Variants in RPTOR observed in about 807,000 individuals in gnomAD.
RPTOR encodes the protein regulatory-associated protein of mTOR.
In RPTOR, 21 loss-of-function variants were observed where a neutral mutation model predicts 169.9. The observed-to-expected ratio is 0.12, with a 90% CI of 0.09 to 0.18. RPTOR has a LOEUF of 0.18. Ranked by LOEUF, RPTOR falls within the 10% of genes least tolerant of loss-of-function variation. The pLI is 1.00. For synonymous variants in RPTOR, 732 were observed against 753.2 expected (o/e 0.97, Z 0.46); for missense variants, 1,133 against 1,855.9 (o/e 0.61, Z 7.16).
rs2066550510 is a variant in RPTOR at position 80,744,829 on chromosome 17, C to CACTGT, written c.655-9181_655-9180insACTGT. 1.9e-4 allele frequency among the ~76,000 whole-genome samples: 2 copies of CACTGT among 10,718 alleles called. 1 individual carries two copies. The highest frequency in any genetic ancestry group is 5.9e-4 in the Non-Finnish European group (2 of 3,384). 7.0% of individuals were successfully genotyped at this position (10,718 alleles called of 152,430 possible). ...AGCACTGTCCTGGCTACTAGCACAG[C>CACTGT]CCTGGTTACTAGCACTGTCCTGGCT... On this transcript the variant is annotated intron_variant, in intron 5 of 33. Coordinates refer to ENST00000306801, the MANE Select transcript of RPTOR (RefSeq NM_020761.3).
chr17:80,689,975 G>T (rs2316058), intron 3 of RPTOR, among the ~76,000 whole-genome samples: 7 of 152,146 alleles, frequency 4.6e-5, no homozygotes, highest in Non-Finnish European at 7.4e-5. Flanking sequence ...ATTAAAGTAG[G>T]AAACTTTACT....
At chr17:80,800,924 G>A (rs995162074) in intron 7 of RPTOR, among the ~76,000 whole-genome samples, 3 of 152,216 alleles carry the variant, frequency 2.0e-5, no homozygotes, top group Non-Finnish European at 4.4e-5. Context: ...ATCCATTGTC[G>A]TGAATAAGTG....
At chr17:80,666,234 T>A in intron 3 of RPTOR, among the ~76,000 whole-genome samples, 1 of 150,378 alleles carries the variant, frequency 6.6e-6, no homozygotes, top group East Asian at 1.9e-4. Context: ...AAAATATTAT[T>A]CTTCTCCAAA....
At chr17:80,554,033 C>A (rs76043930) in intron 1 of RPTOR, among the ~76,000 whole-genome samples, 11,072 of 152,104 alleles carry the variant, frequency 0.073, 1,365 homozygotes, top group African/African-American at 0.25. Context: ...TCAGCCACCA[C>A]ACCCCGCTTG....
intron 1 of RPTOR, among the ~76,000 whole-genome samples, chr17:80,558,051 G>C (rs1286079330): frequency 6.6e-6 from 1 of 152,202 alleles, no homozygotes; most frequent in Non-Finnish European, 1.5e-5. Context: ...TGTCATCCCA[G>C]CACTTTGGGA....
intron 1 of RPTOR, among the ~76,000 whole-genome samples, chr17:80,598,683 A>T (rs2065162052): frequency 6.6e-6 from 1 of 152,114 alleles, no homozygotes; most frequent in Admixed American, 6.5e-5. Context: ...CCTGCTGACA[A>T]ACTGGTTTCT....
chr17:80,743,789 G>A (rs2066515372), intron 5 of RPTOR, among the ~76,000 whole-genome samples: 1 of 128,116 alleles, frequency 7.8e-6, no homozygotes, highest in African/African-American at 3.0e-5. Context: ...GCAGAGCCCT[G>A]GCTACTAGCA....
intron 28 of RPTOR, among the ~76,000 whole-genome samples, chr17:80,950,640 T>C (rs1416893358): frequency 3.9e-5 from 6 of 152,116 alleles, no homozygotes; most frequent in Non-Finnish European, 8.8e-5. Context: ...GGCAACCCTC[T>C]TCTGGGGTAT....
At chr17:80,791,129 C>T (rs1317842465) in intron 6 of RPTOR, among the ~76,000 whole-genome samples, 3 of 152,204 alleles carry the variant, frequency 2.0e-5, no homozygotes, top group Admixed American at 6.5e-5. Flanking sequence ...CAGTCCACTC[C>T]AGCATCTCGT....
chr17:80,958,826 G>A (rs1328068779), intron 29 of RPTOR, among the ~76,000 whole-genome samples: 3 of 152,226 alleles, frequency 2.0e-5, no homozygotes, highest in Non-Finnish European at 2.9e-5. Flanking sequence ...AGCAGGCCGC[G>A]CTCAGCAGAA....
intron 3 of RPTOR, among the ~76,000 whole-genome samples, chr17:80,701,258 G>A (rs2066098494): frequency 6.6e-6 from 1 of 152,186 alleles, no homozygotes; most frequent in African/African-American, 2.4e-5. Context: ...GGTTGCACTA[G>A]GGTGGAATCA....
intron 26 of RPTOR, among the ~76,000 whole-genome samples, chr17:80,946,251 TTTTAGAG>T (rs1179486723): frequency 6.6e-6 from 1 of 152,212 alleles, no homozygotes; most frequent in African/African-American, 2.4e-5. Flanking sequence ...AGGGGGTTCC[TTTTAGAG>T]TTTAGAGTTT....
chr17:80,735,718 A>G (rs2066428470), intron 5 of RPTOR, among the ~76,000 whole-genome samples: 1 of 152,144 alleles, frequency 6.6e-6, no homozygotes, highest in Non-Finnish European at 1.5e-5. Context: ...CTGCTGGGAC[A>G]GCACGGGCTC....
intron 20 of RPTOR, among the ~76,000 whole-genome samples, chr17:80,897,658 A>G (rs1162620123): frequency 6.6e-6 from 1 of 152,194 alleles, no homozygotes; most frequent in African/African-American, 2.4e-5. Context: ...CCCCATTGGC[A>G]TTCACGAGTG....
In RPTOR at chr17:80,844,883, G is replaced by A. The variant is rs2067709803; in HGVS notation, c.1213-1590G>A. Among the ~76,000 whole-genome samples, 1 of 152,048 alleles carries A rather than the reference G, an allele frequency of 6.6e-6. No individual in the cohort carries two copies. Among genetic ancestry groups the A allele is most frequent in the Non-Finnish European group, 1.5e-5 (1 of 68,010 alleles). On this transcript the variant is annotated intron_variant, in intron 10 of 33. Transcript: ENST00000306801. This position sits in a 1 kb window ranked among gnomAD's most constrained non-coding sequence, Gnocchi z 4.7. Reference sequence around the variant, plus strand: ...CCTCCCGACCTCCTCTCAGAGACACGCACCTCCACTGCGGCCACCCACCTT... The same window carrying A: ...CCTCCCGACCTCCTCTCAGAGACACACACCTCCACTGCGGCCACCCACCTT...
chr17:80,548,078 C>CTTT (rs55928458), intron 1 of RPTOR, among the ~76,000 whole-genome samples: 1 of 102,772 alleles, frequency 9.7e-6, no homozygotes, highest in South Asian at 3.0e-4. Context: ...TTTTCTGTTT[C>CTTT]TTTTTTTTTT....
At position 80,828,250 on chromosome 17, in the gene RPTOR, TCATGCTCCTGGGAG is replaced by T. The variant is rs199881983; in HGVS notation, c.1136+5038_1136+5051del. On this transcript the variant is annotated intron_variant, in intron 9 of 33. Transcript: ENST00000306801. Reference sequence around the variant, plus strand: ...AGTGGCACTTAGCGACCTGCTGTAGTCATGCTCCTGGGAGCATGCTCCTGAGACCATGCGAGGTC... The same window carrying T: ...AGTGGCACTTAGCGACCTGCTGTAGTCATGCTCCTGAGACCATGCGAGGTC... Among the ~76,000 whole-genome samples the T allele has an allele frequency of 9.0e-4, 137 of 152,278 alleles. 2 individuals carry two copies. The East Asian group carries it at 0.02, about 22-fold the overall frequency.
Position 80,803,036 on chromosome 17 carries a change from C to G in RPTOR, c.890+11527C>G, listed in dbSNP as rs1346187901. The G allele has an allele frequency of 6.6e-6, 1 of 152,510 alleles. No homozygotes were observed. The highest frequency in any genetic ancestry group is 1.5e-5 in the Non-Finnish European group (1 of 68,274). The allele number at this position is 152,510 out of a possible 1,614,324, so 9.4% of individuals were successfully genotyped here. A position where few individuals can be genotyped will look rare whatever the true frequency, so the allele number is the denominator to read the frequency against. On this transcript the variant is annotated intron_variant, in intron 7 of 33. Transcript: ENST00000306801. The surrounding 1 kb of genome is among the most constrained non-coding windows in gnomAD (Gnocchi z 6.2). ...GCACGGCCCTTCGGTTCCTCACAAC[C>G]CCTGGTTCTGGTGGGGTGCCTGGAG...
At chr17:80,552,412 C>T (rs74003969) in intron 1 of RPTOR, among the ~76,000 whole-genome samples, 36,519 of 152,152 alleles carry the variant, frequency 0.24, 5,366 homozygotes, top group East Asian at 0.42. Flanking sequence ...CTCAGAGAGG[C>T]CCACCATCAC....
Sources: allele counts gnomAD v4.1 joint callset (sites outside exome capture counted in the v4.1 genomes callset), GRCh38; gene constraint gnomAD v4.1.1; non-coding constraint Gnocchi (gnomAD v3.1); transcripts MANE v1.5; gene names NCBI Gene and HGNC (gene_info 2026-07-23, HGNC 2026-07-21).